The following NKAIN3 variants were observed in gnomAD, a reference collection of about 807,000 sequenced individuals.
The protein encoded by NKAIN3 is sodium/potassium-transporting ATPase subunit beta-1-interacting protein 3.
In NKAIN3, 25 loss-of-function variants were observed where a neutral mutation model predicts 30.2. The observed-to-expected ratio is 0.83, with a 90% confidence interval of 0.60 to 1.16. The LOEUF is 1.16. NKAIN3 is among the 50% of genes most tolerant of loss of function. NKAIN3 has a pLI of 0.00. For missense variants in NKAIN3, 225 were observed against 254.1 expected, an observed-to-expected ratio of 0.89 and a Z score of 0.78; for synonymous variants, 91 against 89.6, an observed-to-expected ratio of 1.02 and a Z score of -0.09.
intron 1 of NKAIN3, among the ~76,000 whole-genome samples, chr8:62,392,008 GACA>G (rs1224425502): frequency 8.6e-5 from 13 of 151,928 alleles, no homozygotes; most frequent in Non-Finnish European, 1.9e-4. Flanking sequence ...CAACAACAAT[GACA>G]ACAACAAGGA....
rs543598643 is a variant in NKAIN3 at position 62,331,059 on chromosome 8, C to G, written c.54+81932C>G. Among the ~76,000 whole-genome samples the G allele has an allele frequency of 5.7e-4, 76 of 132,700 alleles. No individual in the cohort carries two copies. The East Asian group carries it at 0.013, about 22-fold the overall frequency. 87.1% of individuals were successfully genotyped at this position (132,700 alleles called of 152,430 possible). ...CTTCCTCCCTCCTCTTCTACCTCCT[C>G]CTCCTCTCTCTCTCTCTCTGTCTCT... On this transcript the variant is annotated intron_variant, in intron 1 of 6. Transcript: ENST00000623646.
chr8:62,767,446 G>A (rs1816877043), intron 4 of NKAIN3, among the ~76,000 whole-genome samples: 1 of 152,164 alleles, frequency 6.6e-6, no homozygotes, highest in Non-Finnish European at 1.5e-5. Context: ...AAAACAGAGA[G>A]ACACACGCAG....
At chr8:62,535,361 G>T (rs1808625122) in intron 1 of NKAIN3, among the ~76,000 whole-genome samples, 1 of 152,098 alleles carries the variant, frequency 6.6e-6, no homozygotes, top group African/African-American at 2.4e-5. Context: ...AACACCAGCT[G>T]GGTGTCCTCT....
chr8:62,648,116 G>T (rs981080633), intron 3 of NKAIN3, among the ~76,000 whole-genome samples: 1 of 152,126 alleles, frequency 6.6e-6, no homozygotes, highest in Non-Finnish European at 1.5e-5. Flanking sequence ...ATCAAGGGAA[G>T]GGCAGTTTGA....
At chr8:62,318,104 T>C (rs1163675917) in intron 1 of NKAIN3, among the ~76,000 whole-genome samples, 1 of 152,168 alleles carries the variant, frequency 6.6e-6, no homozygotes, top group Non-Finnish European at 1.5e-5. Flanking sequence ...ATAAGAATGC[T>C]TGTGATTTTT....
intron 3 of NKAIN3, among the ~76,000 whole-genome samples, chr8:62,729,261 A>C (rs1815392054): frequency 6.6e-6 from 1 of 152,156 alleles, no homozygotes; most frequent in African/African-American, 2.4e-5. Context: ...AAAAAAGCAC[A>C]TGATAATATG....
At chr8:62,899,324 G>GT (rs1402356125) in intron 4 of NKAIN3, among the ~76,000 whole-genome samples, 16 of 152,236 alleles carry the variant, frequency 1.1e-4, no homozygotes, top group African/African-American at 3.9e-4. Flanking sequence ...AAATTTGGAA[G>GT]CAACATAAAT....
At chr8:62,569,344 G>A (rs748342561) in intron 1 of NKAIN3, among the ~76,000 whole-genome samples, 78 of 152,116 alleles carry the variant, frequency 5.1e-4, no homozygotes, top group Middle Eastern at 3.2e-3. Context: ...TTGGCCTAAC[G>A]CATGCTGATG....
At chr8:62,882,904 G>A (rs984796115) in intron 4 of NKAIN3, among the ~76,000 whole-genome samples, 4 of 152,018 alleles carry the variant, frequency 2.6e-5, no homozygotes, top group Admixed American at 2.0e-4. Context: ...GTTCCATTGA[G>A]CTATTTGTCT....
At position 62,283,387 on chromosome 8, in the gene NKAIN3, C is replaced by T. The variant is rs181759004; in HGVS notation, c.54+34260C>T. Among the ~76,000 whole-genome samples, 187 of 152,008 alleles carry T rather than the reference C, an allele frequency of 1.2e-3. 2 individuals carry two copies. Among genetic ancestry groups the T allele is most frequent in the Non-Finnish European group, 6.8e-4 (46 of 67,984 alleles). On this transcript the variant is annotated intron_variant, in intron 1 of 6. Coordinates refer to ENST00000623646, the MANE Select transcript of NKAIN3 (RefSeq NM_001304533.3). ...GACAGGACTGTTCCATAGAACAAAA[C>T]ATTACTCAAGGGTCATGGATAACAA...
intron 3 of NKAIN3, among the ~76,000 whole-genome samples, chr8:62,654,520 A>G (rs1812712851): frequency 6.6e-6 from 1 of 152,204 alleles, no homozygotes. Context: ...TCTAAAGAAA[A>G]AAAATCCACT....
chr8:62,394,144 G>C lies in NKAIN3; in HGVS notation c.54+145017G>C, dbSNP rs192475361. The stretch of plus-strand genomic sequence containing the variant: ...TTCTTTGCCTTTTTCCCAATTTCAG[G>C]AGAAAACATTCTGTTTTTCATCATT... On this transcript the variant is annotated intron_variant, in intron 1 of 6. Transcript: ENST00000623646. 6.6e-5 allele frequency among the ~76,000 whole-genome samples: 10 copies of C among 152,210 alleles called. No homozygotes were observed. In the East Asian group the frequency reaches 1.5e-3, roughly 23 times the overall value.
At chr8:62,871,388 G>A (rs1225441816) in intron 4 of NKAIN3, among the ~76,000 whole-genome samples, 2 of 135,302 alleles carry the variant, frequency 1.5e-5, no homozygotes, top group Non-Finnish European at 3.1e-5. Context: ...GGGTGACAGA[G>A]CGAGACTCTG....
chr8:62,309,518 T>A (rs970757669), intron 1 of NKAIN3, among the ~76,000 whole-genome samples: 1 of 150,534 alleles, frequency 6.6e-6, no homozygotes, highest in Non-Finnish European at 1.5e-5. Flanking sequence ...AAGCTGATAG[T>A]TAACAGGTTC....
intron 3 of NKAIN3, among the ~76,000 whole-genome samples, chr8:62,707,248 G>C (rs1814560580): frequency 6.6e-6 from 1 of 152,080 alleles, no homozygotes; most frequent in Non-Finnish European, 1.5e-5. Flanking sequence ...ATACCCAGTA[G>C]TGGGATTGTT....
At chr8:62,699,763 A>G (rs186778959) in intron 3 of NKAIN3, among the ~76,000 whole-genome samples, 83 of 152,368 alleles carry the variant, frequency 5.4e-4, no homozygotes, top group Admixed American at 3.0e-3. Context: ...GGGTAAAGTC[A>G]TAGTATCTTA....
At chr8:62,294,756 G>A (rs1813771148) in intron 1 of NKAIN3, among the ~76,000 whole-genome samples, 1 of 152,118 alleles carries the variant, frequency 6.6e-6, no homozygotes, top group South Asian at 2.1e-4. Context: ...TGTTTCCCAG[G>A]CTGGTCTCCA....
intron 4 of NKAIN3, among the ~76,000 whole-genome samples, chr8:62,751,300 T>C (rs1816275604): frequency 6.6e-6 from 1 of 152,216 alleles, no homozygotes; most frequent in Non-Finnish European, 1.5e-5. Context: ...GATATGTTAA[T>C]TTAATTTTGT....
chr8:62,421,578 G>T (rs1412496160), intron 1 of NKAIN3, among the ~76,000 whole-genome samples: 2 of 151,702 alleles, frequency 1.3e-5, no homozygotes, highest in Admixed American at 1.3e-4. Flanking sequence ...AAAATGCTGC[G>T]GGAGGAGGAT....
Sources: allele counts gnomAD v4.1 joint callset (sites outside exome capture counted in the v4.1 genomes callset), GRCh38; gene constraint gnomAD v4.1.1; transcripts MANE v1.5; gene names NCBI Gene and HGNC (gene_info 2026-07-23, HGNC 2026-07-21).